Variants in RABEPK observed in about 807,000 individuals in gnomAD.
The protein encoded by RABEPK is 40 kDa Rab9 effector protein.
RABEPK carries 27 observed loss-of-function variants against 34.1 expected under a neutral mutation model. That is an observed-to-expected ratio of 0.79 (90% CI 0.58 to 1.09). The LOEUF is 1.09. Ranked by LOEUF, RABEPK falls within the 50% of genes least tolerant of loss-of-function variation. The pLI, the probability that RABEPK is intolerant of heterozygous loss-of-function variation, is 0.00. For missense variants in RABEPK, 449 were observed against 462.6 expected, an observed-to-expected ratio of 0.97 and a Z score of 0.27; for synonymous variants, 172 against 169.2, an observed-to-expected ratio of 1.02 and a Z score of -0.13.
chr9:125,220,464 T>C, intron 4 of RABEPK, 75 bp from the exon 5 acceptor site: 1 of 1,525,944 alleles, frequency 6.6e-7, no homozygotes, highest in Non-Finnish European at 8.8e-7. Flanking sequence ...GAAACTGACT[T>C]CACTCAGCCC....
intron 5 of RABEPK, among the ~76,000 whole-genome samples, chr9:125,223,815 G>A (rs1831533786): frequency 6.6e-6 from 1 of 151,882 alleles, no homozygotes; most frequent in Admixed American, 6.6e-5. Context: ...TTGGGACACT[G>A]GGGACTCCTT....
intron 6 of RABEPK, among the ~76,000 whole-genome samples, chr9:125,229,536 CTAA>C: frequency 6.6e-6 from 1 of 152,214 alleles, no homozygotes; most frequent in East Asian, 1.9e-4. Flanking sequence ...GGACAGAATA[CTAA>C]TAATAAAAAA....
At chr9:125,215,803 A>G (rs1193612002) in intron 4 of RABEPK, among the ~76,000 whole-genome samples, 1 of 152,220 alleles carries the variant, frequency 6.6e-6, no homozygotes, top group Non-Finnish European at 1.5e-5. Context: ...GCCAAGAAAT[A>G]AAAAGGCTAG....
At chr9:125,201,888 A>G (rs1473196550) in intron 1 of RABEPK, among the ~76,000 whole-genome samples, 2 of 148,844 alleles carry the variant, frequency 1.3e-5, no homozygotes, top group Admixed American at 1.3e-4. Flanking sequence ...CTGGGATTAC[A>G]GGCGTGAGCC....
intron 3 of RABEPK, among the ~76,000 whole-genome samples, chr9:125,209,696 A>G (rs1396699014): frequency 6.6e-6 from 1 of 151,862 alleles, no homozygotes; most frequent in African/African-American, 2.4e-5. Flanking sequence ...GCTGCACTGG[A>G]TATCCTTCAG....
intron 1 of RABEPK, among the ~76,000 whole-genome samples, chr9:125,201,281 A>T (rs1017314220): frequency 1.3e-5 from 2 of 152,234 alleles, no homozygotes; most frequent in Admixed American, 6.5e-5. Context: ...GGGAAGCGAC[A>T]TTCCAAATAG....
chr9:125,227,960 C>G lies in RABEPK; in HGVS notation c.577C>G (p.Arg193Gly). ...PETLGNPPSP[R>G]HGHVMVAAGT... ...GACACTTGGAAATCCTCCATCTCCC[C>G]GGCATGGTCATGTGATGGTGGCAGC... is the stretch of plus-strand genomic sequence containing the variant. Residue 193 changes from arginine (R) to glycine (G), a missense_variant, in exon 6 of 8, where the codon CGG (arginine) becomes GGG (glycine). Physicochemically the swap from Arg to Gly is moderately radical, Grantham distance 125. Coordinates refer to ENST00000373538, the MANE Select transcript of RABEPK (RefSeq NM_005833.4). 1 of 1,608,660 alleles carries G rather than the reference C, an allele frequency of 6.2e-7. No individual in the cohort carries two copies. Among genetic ancestry groups the G allele is most frequent in the Non-Finnish European group, 8.5e-7 (1 of 1,177,062 alleles).
In RABEPK at chr9:125,220,717, A is replaced by C. The variant is rs1363716375; in HGVS notation, c.526+17A>C. On this transcript the variant is annotated intron_variant, in intron 5 of 7. Coordinates refer to ENST00000373538, the MANE Select transcript of RABEPK (RefSeq NM_005833.4). ...TTGACGCAAGTATGGACTGGTGGGC[A>C]CCTTGGGGCTGGTCAGGGCCATCCC... 5.0e-6 allele frequency: 8 copies of C among 1,611,692 alleles called. No homozygotes were observed. The highest frequency in any genetic ancestry group is 6.8e-6 in the Non-Finnish European group (8 of 1,178,694).
intron 5 of RABEPK, among the ~76,000 whole-genome samples, chr9:125,225,987 GA>G (rs965710512): frequency 1.5e-3 from 193 of 131,862 alleles, no homozygotes; most frequent in Middle Eastern, 7.7e-3. Flanking sequence ...AAAAGAAAAA[GA>G]AAAAAAAAAA....
Position 125,228,005 on chromosome 9 carries a change from C to T in RABEPK, c.622C>T (p.His208Tyr). The T allele has an allele frequency of 1.2e-6, 2 of 1,606,414 alleles. No individual in the cohort carries two copies. Among genetic ancestry groups the T allele is most frequent in the South Asian group, 1.1e-5 (1 of 90,004 alleles). ...MVAAGTKLFI[H>Y]GGLAGDRFYD... ...GGCAGCAGGGACAAAGCTCTTCATC[C>T]ACGGAGGCTTGGCGGGGGACAGATT... The change falls in exon 6 of 8, where the codon CAC (histidine) becomes TAC (tyrosine). Residue 208 changes from histidine (H) to tyrosine (Y), a missense_variant. Coordinates refer to ENST00000373538, the MANE Select transcript of RABEPK (RefSeq NM_005833.4).
chr9:125,231,039 A>G (rs1016709398), intron 6 of RABEPK, among the ~76,000 whole-genome samples: 13 of 151,308 alleles, frequency 8.6e-5, no homozygotes, highest in African/African-American at 2.9e-4. Context: ...GCAGTGGCTC[A>G]CCCCTGTAAT....
intron 2 of RABEPK, 54 bp from the exon 3 acceptor site, chr9:125,207,510 A>G: frequency 4.5e-6 from 7 of 1,545,896 alleles, no homozygotes; most frequent in Non-Finnish European, 6.3e-6. Context: ...GAAAGAGCAC[A>G]CTACTGCATT....
chr9:125,208,047 G>C (rs1239667995), intron 3 of RABEPK, among the ~76,000 whole-genome samples: 1 of 152,094 alleles, frequency 6.6e-6, no homozygotes, highest in African/African-American at 2.4e-5. Context: ...GAATTACTTT[G>C]AACTGGGGAG....
chr9:125,231,646 C>CA (rs1564200128), intron 6 of RABEPK, among the ~76,000 whole-genome samples: 1 of 151,698 alleles, frequency 6.6e-6, no homozygotes, highest in African/African-American at 2.4e-5. Flanking sequence ...ACTAAAAATA[C>CA]AAAAAATTAG....
At chr9:125,231,822 A>G (rs561254354) in intron 6 of RABEPK, among the ~76,000 whole-genome samples, 61 of 151,994 alleles carry the variant, frequency 4.0e-4, no homozygotes, top group Middle Eastern at 3.4e-3. Context: ...GAAATTTCAT[A>G]GGGCTGTTAT....
intron 2 of RABEPK, among the ~76,000 whole-genome samples, chr9:125,206,045 G>A (rs1360829107): frequency 6.6e-6 from 1 of 152,122 alleles, no homozygotes; most frequent in Non-Finnish European, 1.5e-5. Context: ...CCAAAGGAAG[G>A]GATGTGGGAA....
chr9:125,220,848 T>C, intron 5 of RABEPK, 148 bp downstream of exon 5: 1 of 1,076,156 alleles, frequency 9.3e-7, no homozygotes, highest in Non-Finnish European at 1.3e-6. Flanking sequence ...GATATCTTTT[T>C]CCCACAGCAA....
At chr9:125,200,932 A>G (rs907818947) in intron 1 of RABEPK, 26 bp downstream of exon 1, 10 of 449,328 alleles carry the variant, frequency 2.2e-5, no homozygotes, top group African/African-American at 2.0e-4. Context: ...TCATCTCTCA[A>G]TCTATTTTCT....
chr9:125,233,875 C>T lies in RABEPK; in HGVS notation c.1014C>T (p.Asp338=), dbSNP rs747990812. ...ACAAAGTAATGAGCCACAGTGGTGA[C>T]TCACATGAGGAAAGCCAGACTGCTA... ...SADKVMSHSG[D]SHEESQTATL... is the part of the protein sequence containing the mutation. Residue 338 remains aspartate, a synonymous_variant, in exon 8 of 8, where the codon GAC becomes GAT. Coordinates refer to ENST00000373538, the MANE Select transcript of RABEPK (RefSeq NM_005833.4). 13 of 1,614,020 alleles carry T rather than the reference C, an allele frequency of 8.1e-6. No homozygotes were observed. The South Asian group carries it at 1.2e-4, about 15-fold the overall frequency.
Sources: gnomAD v4.1 joint callset for allele counts (sites outside exome capture counted in the v4.1 genomes callset) on GRCh38, gnomAD v4.1.1 for gene constraint, MANE v1.5 for transcripts, NCBI Gene and HGNC (gene_info 2026-07-23, HGNC 2026-07-21) for gene names.